LDB2: variants seen among roughly 807,000 people sequenced by gnomAD.
LDB2 encodes LIM domain binding 2.
Under a neutral mutation model 44.3 loss-of-function variants are expected in LDB2, and 12 were observed. The observed-to-expected ratio is 0.27, with a 90% CI of 0.17 to 0.44. The LOEUF (loss-of-function observed/expected upper bound fraction) is 0.44. LDB2 is among the 20% of genes least tolerant of loss of function. The pLI is 1.00. For synonymous variants in LDB2, 164 were observed against 174.8 expected, an observed-to-expected ratio of 0.94 and a Z score of 0.49; for missense variants, 344 against 473.5, an observed-to-expected ratio of 0.73 and a Z score of 2.54.
intron 2 of LDB2, among the ~76,000 whole-genome samples, chr4:16,640,108 C>T (rs1734724937): frequency 6.6e-6 from 1 of 152,202 alleles, no homozygotes; most frequent in Non-Finnish European, 1.5e-5. Flanking sequence ...AGCACCCTAG[C>T]TTTCTCCTTT....
rs371326527 is a variant in LDB2 at position 16,571,886 on chromosome 4, G to C, written c.615+14036C>G. ...ATCTAGATCAAGACCAGGGACATTA[G>C]GTTCATATGCCTTCTTCTCTTTCAC... On this transcript the variant is annotated intron_variant, in intron 5 of 7. Coordinates refer to ENST00000304523, the MANE Select transcript of LDB2 (RefSeq NM_001290.5). Among the ~76,000 whole-genome samples the C allele has an allele frequency of 3.6e-4, 55 of 152,316 alleles. No individual in the cohort carries two copies. In the East Asian group the frequency reaches 7.5e-3, roughly 21 times the overall value.
chr4:16,562,857 A>G (rs1001924651), intron 5 of LDB2, among the ~76,000 whole-genome samples: 3 of 152,254 alleles, frequency 2.0e-5, no homozygotes, highest in African/African-American at 7.2e-5. Context: ...AAAATGTGGC[A>G]CATATACACC....
intron 2 of LDB2, among the ~76,000 whole-genome samples, chr4:16,694,738 TTC>T (rs1751689251): frequency 6.6e-6 from 1 of 152,226 alleles, no homozygotes; most frequent in South Asian, 2.1e-4. Flanking sequence ...CATAGCTTTA[TTC>T]TCTCTACCAC....
At chr4:16,612,583 C>T (rs1290386771) in intron 2 of LDB2, among the ~76,000 whole-genome samples, 1 of 152,108 alleles carries the variant, frequency 6.6e-6, no homozygotes, top group Non-Finnish European at 1.5e-5. Context: ...ACTACAAACA[C>T]CTCTAAACAA....
chr4:16,654,322 C>T (rs1739141099), intron 2 of LDB2, among the ~76,000 whole-genome samples: 1 of 152,072 alleles, frequency 6.6e-6, no homozygotes. Flanking sequence ...TAGGTCATTG[C>T]AAGCTGTGCT....
Position 16,820,740 on chromosome 4 carries a change from C to T in LDB2, c.133-61480G>A, listed in dbSNP as rs191168616. Among the ~76,000 whole-genome samples the T allele has an allele frequency of 2.0e-5, 3 of 151,800 alleles. No homozygotes were observed. The East Asian group carries it at 5.8e-4, about 29-fold the overall frequency. On this transcript the variant is annotated intron_variant, in intron 1 of 7. Coordinates refer to ENST00000304523, the MANE Select transcript of LDB2 (RefSeq NM_001290.5). ...CTTTTAACTCTAATCCCTTTTGTTC[C>T]AAATTTTGAGAGAAAAAAAAACAGA...
At chr4:16,891,244 T>C (rs983196506) in intron 1 of LDB2, among the ~76,000 whole-genome samples, 1 of 149,942 alleles carries the variant, frequency 6.7e-6, no homozygotes, top group African/African-American at 2.4e-5. Context: ...TAGATGACTA[T>C]GCATTATATT....
intron 2 of LDB2, among the ~76,000 whole-genome samples, chr4:16,645,937 A>G (rs1011234245): frequency 1.3e-5 from 2 of 152,240 alleles, no homozygotes; most frequent in African/African-American, 4.8e-5. Context: ...TGGCTGGCAG[A>G]CATCCGAGTG....
chr4:16,530,040 G>T (rs1034303677), intron 5 of LDB2, among the ~76,000 whole-genome samples: 1 of 152,158 alleles, frequency 6.6e-6, no homozygotes. Context: ...ACAATCACAA[G>T]TTCACTCTGG....
chr4:16,892,157 T>C (rs969503504), intron 1 of LDB2, among the ~76,000 whole-genome samples: 38 of 152,232 alleles, frequency 2.5e-4, no homozygotes, highest in Admixed American at 1.5e-3. Flanking sequence ...TACCTTTCAC[T>C]ACAGGAATAT....
intron 5 of LDB2, among the ~76,000 whole-genome samples, chr4:16,537,722 A>G (rs1254224162): frequency 6.6e-6 from 1 of 152,144 alleles, no homozygotes; most frequent in Non-Finnish European, 1.5e-5. Context: ...AGGCATTGAA[A>G]CTGAGGTGTA....
At chr4:16,579,566 A>C (rs1037420412) in intron 5 of LDB2, among the ~76,000 whole-genome samples, 4 of 152,196 alleles carry the variant, frequency 2.6e-5, no homozygotes, top group African/African-American at 9.7e-5. Flanking sequence ...CTGAGTATTT[A>C]AGTGGGAATC....
At chr4:16,787,524 G>A (rs1774721836) in intron 1 of LDB2, among the ~76,000 whole-genome samples, 1 of 152,142 alleles carries the variant, frequency 6.6e-6, no homozygotes, top group Non-Finnish European at 1.5e-5. Flanking sequence ...TGAGGCAAGA[G>A]AATCACTTGA....
chr4:16,710,623 C>T (rs1232912965), intron 2 of LDB2, among the ~76,000 whole-genome samples: 1 of 152,096 alleles, frequency 6.6e-6, no homozygotes, highest in African/African-American at 2.4e-5. Context: ...AAAGCCACCC[C>T]TGTGTAGTCA....
At chr4:16,543,270 T>C (rs13434384) in intron 5 of LDB2, among the ~76,000 whole-genome samples, 15,876 of 152,142 alleles carry the variant, frequency 0.1, 1,384 homozygotes, top group African/African-American at 0.24. Flanking sequence ...TGATTTATAA[T>C]CCTTTGGGTA....
chr4:16,736,378 T>C (rs901228439), intron 2 of LDB2, among the ~76,000 whole-genome samples: 2 of 152,192 alleles, frequency 1.3e-5, no homozygotes, highest in Non-Finnish European at 2.9e-5. Context: ...AAGAATCCAA[T>C]CTTTACATTG....
At chr4:16,668,158 A>G (rs578156990) in intron 2 of LDB2, among the ~76,000 whole-genome samples, 169 of 151,952 alleles carry the variant, frequency 1.1e-3, no homozygotes, top group Admixed American at 3.7e-3. Flanking sequence ...CGATAAATAT[A>G]TATATATATA....
intron 2 of LDB2, among the ~76,000 whole-genome samples, chr4:16,690,817 TCTTAAAC>T (rs1222360353): frequency 6.6e-6 from 1 of 152,106 alleles, no homozygotes; most frequent in Non-Finnish European, 1.5e-5. Flanking sequence ...GTGGTAAACT[TCTTAAAC>T]CTTAAACTCC....
At chr4:16,640,763 T>A (rs1356468838) in intron 2 of LDB2, among the ~76,000 whole-genome samples, 1 of 152,178 alleles carries the variant, frequency 6.6e-6, no homozygotes, top group Non-Finnish European at 1.5e-5. Context: ...ACTCAGATAG[T>A]CTTGCTCTAC....
Sources: gnomAD v4.1 joint callset for allele counts (sites outside exome capture counted in the v4.1 genomes callset) on GRCh38, gnomAD v4.1.1 for gene constraint, MANE v1.5 for transcripts, NCBI Gene and HGNC (gene_info 2026-07-23, HGNC 2026-07-21) for gene names.